Variants in PEAK1 observed in about 807,000 individuals in gnomAD.
PEAK1 encodes the protein pseudopodium enriched atypical kinase 1, also known as inactive tyrosine-protein kinase PEAK1.
A neutral mutation model predicts 124.7 loss-of-function variants in PEAK1; 54 were observed. The ratio of observed to expected loss-of-function variants is 0.43; its 90% CI spans 0.35 to 0.54. The LOEUF (loss-of-function observed/expected upper bound fraction) is 0.54. Ranked by LOEUF, PEAK1 falls within the 20% of genes least tolerant of loss-of-function variation. PEAK1 has a pLI of 0.01. For missense variants in PEAK1, 2,046 were observed against 2,134.5 expected, an observed-to-expected ratio of 0.96 and a Z score of 0.82; for synonymous variants, 719 against 760.0, an observed-to-expected ratio of 0.95 and a Z score of 0.89.
chr15:77,401,628 C>T (rs1475797188), intron 1 of PEAK1: 12 of 984,804 alleles, frequency 1.2e-5, no homozygotes, highest in Non-Finnish European at 1.4e-5. Context: ...TTGTATTTTC[C>T]ACAGAATGTT....
At chr15:77,104,725 C>T (rs2050729637), downstream of PEAK1, 1 of 152,182 alleles carries the variant, frequency 6.6e-6, no homozygotes, top group African/African-American at 2.4e-5. Flanking sequence ...CTCCAGGAAG[C>T]TGGGAGGTGG....
intron 6 of PEAK1, among the ~76,000 whole-genome samples, chr15:77,207,291 T>C (rs1009354255): frequency 6.6e-6 from 1 of 152,220 alleles, no homozygotes; most frequent in Admixed American, 6.5e-5. Context: ...ATAAGCTTTT[T>C]AGATTCTTGG....
intron 1 of PEAK1, chr15:77,418,981 C>T: frequency 2.0e-6 from 2 of 985,130 alleles, no homozygotes; most frequent in Non-Finnish European, 2.4e-6. Flanking sequence ...GTATTTAATT[C>T]AACGTATGAT....
At chr15:77,125,518 A>G (rs1030425540) in intron 9 of PEAK1, among the ~76,000 whole-genome samples, 4 of 151,962 alleles carry the variant, frequency 2.6e-5, no homozygotes, top group Non-Finnish European at 4.4e-5. Flanking sequence ...GTGTGTATAT[A>G]TATCACCACA....
intron 6 of PEAK1, among the ~76,000 whole-genome samples, chr15:77,212,418 C>T (rs181843423): frequency 1.4e-4 from 22 of 152,236 alleles, no homozygotes; most frequent in Non-Finnish European, 2.6e-4. Flanking sequence ...ATTAGCCTTG[C>T]TTACTTGGGG....
chr15:77,125,512 G>GTA lies in PEAK1; in HGVS notation c.4077+7491_4077+7492dup, dbSNP rs199619913. Among the ~76,000 whole-genome samples, 1,151 of 151,998 alleles carry GTA rather than the reference G, an allele frequency of 7.6e-3. 16 individuals carry two copies. The highest frequency in any genetic ancestry group is 0.026 in the African/African-American group (1,094 of 41,458). On this transcript the variant is annotated intron_variant, in intron 9 of 9. Coordinates refer to ENST00000682557, the MANE Select transcript of PEAK1 (RefSeq NM_001385026.1). ...TGTGTGTGTGTATGTGTGTGTGTGT[G>GTA]TATATATATCACCACATACATATTA...
intron 8 of PEAK1, among the ~76,000 whole-genome samples, chr15:77,154,697 T>G (rs1247567192): frequency 6.6e-6 from 1 of 152,122 alleles, no homozygotes; most frequent in African/African-American, 2.4e-5. Flanking sequence ...ACAAAATCTC[T>G]CAGCATTTGC....
chr15:77,294,090 AT>A (rs1441911028), intron 2 of PEAK1, among the ~76,000 whole-genome samples: 1 of 152,170 alleles, frequency 6.6e-6, no homozygotes, highest in Non-Finnish European at 1.5e-5. Flanking sequence ...AAACAAAAGC[AT>A]TTTTCCAGTG....
In PEAK1 at chr15:77,180,474, C is replaced by T. The variant is rs1325733711; in HGVS notation, c.1453G>A (p.Ala485Thr). Reference sequence around the variant, plus strand: ...ACAGGGCCCTCGAGGTGCTCACTGGCCATGGCTGCTGACACATCCACGACA... The same window carrying T: ...ACAGGGCCCTCGAGGTGCTCACTGGTCATGGCTGCTGACACATCCACGACA... ...YTVVDVSAAM[A>T]SEHLEGPVNS... Residue 485 changes from alanine (A) to threonine (T), a missense_variant, in exon 7 of 10, where the codon GCC becomes ACC. Coordinates refer to ENST00000682557, the MANE Select transcript of PEAK1 (RefSeq NM_001385026.1). 6.2e-7 allele frequency: 1 copy of T among 1,614,094 alleles called. No individual in the cohort carries two copies. Among genetic ancestry groups the T allele is most frequent in the Non-Finnish European group, 8.5e-7 (1 of 1,180,012 alleles).
At chr15:77,286,341 T>A (rs1053307170) in intron 3 of PEAK1, 82 bp downstream of exon 3, 2 of 727,424 alleles carry the variant, frequency 2.7e-6, no homozygotes, top group Non-Finnish European at 3.8e-6. Flanking sequence ...ATTAGATTTT[T>A]GCTGAAATAA....
intron 2 of PEAK1, among the ~76,000 whole-genome samples, chr15:77,328,946 A>G (rs1006177609): frequency 6.6e-6 from 1 of 152,150 alleles, no homozygotes. Context: ...CACCACATAA[A>G]TTGCTTAGTA....
chr15:77,127,124 C>T (rs1256045048), intron 9 of PEAK1, among the ~76,000 whole-genome samples: 1 of 151,384 alleles, frequency 6.6e-6, no homozygotes, highest in Non-Finnish European at 1.5e-5. Flanking sequence ...GGCGTGCTTG[C>T]ACATGCTTCT....
chr15:77,197,275 G>A (rs1317691504), intron 6 of PEAK1, among the ~76,000 whole-genome samples: 2 of 152,110 alleles, frequency 1.3e-5, no homozygotes, highest in Non-Finnish European at 2.9e-5. Context: ...GCCAATGACA[G>A]AAACAACAAA....
chr15:77,353,034 A>G, intron 2 of PEAK1: 1 of 984,150 alleles, frequency 1.0e-6, no homozygotes, highest in Non-Finnish European at 1.2e-6. Flanking sequence ...AATAGCAAAG[A>G]AAACCATGAA....
chr15:77,133,434 G>A lies in PEAK1; in HGVS notation c.3648C>T (p.Asp1216=). 1 of 1,614,190 alleles carries A rather than the reference G, an allele frequency of 6.2e-7. No individual in the cohort carries two copies. ...CCTTGCGCAAAGGCCTTTCCAAGGA[G>A]TCATAAGACTCAATGTCCAGTCCTT... is the stretch of plus-strand genomic sequence containing the variant. ...ELKGLDIESY[D]SLERPLRKER... is the part of the protein sequence containing the mutation. The change falls in exon 9 of 10, where the codon GAC becomes GAT. Residue 1216 remains aspartate (D), a synonymous_variant. Coordinates refer to ENST00000682557, the MANE Select transcript of PEAK1 (RefSeq NM_001385026.1). This position sits in a 1 kb window ranked among gnomAD's most constrained non-coding sequence, Gnocchi z 4.2.
At position 77,292,778 on chromosome 15, in the gene PEAK1, C is replaced by T. The variant is rs367585024; in HGVS notation, c.-602-6274G>A. Among the ~76,000 whole-genome samples, 4 of 152,190 alleles carry T rather than the reference C, an allele frequency of 2.6e-5. No homozygotes were observed. In the East Asian group the frequency reaches 5.8e-4, roughly 22 times the overall value. On this transcript the variant is annotated intron_variant, in intron 2 of 9. Transcript: ENST00000682557. Reference sequence around the variant, plus strand: ...GCAGTTAGTGAATAATAAGGATTAACTTATGTATGTATATGAACGTATATG... The same window carrying T: ...GCAGTTAGTGAATAATAAGGATTAATTTATGTATGTATATGAACGTATATG...
chr15:77,372,698 CA>C (rs1321282483), intron 1 of PEAK1, among the ~76,000 whole-genome samples: 1 of 152,164 alleles, frequency 6.6e-6, no homozygotes, highest in African/African-American at 2.4e-5. Context: ...TGTCCCCGCT[CA>C]AATCTCATGT....
chr15:77,217,897 T>C (rs1451529982), intron 6 of PEAK1, among the ~76,000 whole-genome samples: 1 of 152,218 alleles, frequency 6.6e-6, no homozygotes, highest in Admixed American at 6.5e-5. Context: ...TAAATGGAAT[T>C]GCTTAAAATT....
intron 1 of PEAK1, among the ~76,000 whole-genome samples, chr15:77,372,113 C>T (rs552507593): frequency 1.3e-5 from 2 of 152,288 alleles, no homozygotes; most frequent in South Asian, 2.1e-4. Flanking sequence ...TTCAAGAGTT[C>T]TCTGATACGA....
Sources: gnomAD v4.1 joint callset for allele counts (sites outside exome capture counted in the v4.1 genomes callset) on GRCh38, gnomAD v4.1.1 for gene constraint, Gnocchi (gnomAD v3.1) non-coding constraint, MANE v1.5 for transcripts, NCBI Gene and HGNC (gene_info 2026-07-23, HGNC 2026-07-21) for gene names.